The following COLEC10 variants were observed in gnomAD, a reference collection of about 807,000 sequenced individuals.
The protein encoded by COLEC10 is collectin-10.
Under a neutral mutation model 28.4 loss-of-function variants are expected in COLEC10, and 22 were observed. The observed-to-expected ratio is 0.78, with a 90% confidence interval of 0.55 to 1.11. The LOEUF (loss-of-function observed/expected upper bound fraction) is 1.11. COLEC10 is among the 50% of genes least tolerant of loss of function. The pLI, the probability that COLEC10 is intolerant of heterozygous loss-of-function variation, is 0.00. For missense variants in COLEC10, 361 were observed against 344.1 expected (o/e 1.05, Z -0.39); for synonymous variants, 125 against 116.1 (o/e 1.08, Z -0.49).
chr8:118,985,753 A>G, the COLEC10 span, among the ~76,000 whole-genome samples: 2 of 152,120 alleles, frequency 1.3e-5, no homozygotes, highest in African/African-American at 4.8e-5. Flanking sequence ...ATCCTGAAGG[A>G]AGAGAAACCT....
intron 2 of COLEC10, among the ~76,000 whole-genome samples, chr8:119,059,713 A>G (rs1000104467): frequency 7.9e-5 from 12 of 152,056 alleles, no homozygotes; most frequent in African/African-American, 2.7e-4. Flanking sequence ...AAGGCCTCAT[A>G]CTTTTACTGT....
At chr8:119,007,992 A>T (rs979473665) in intron 1 of COLEC10, among the ~76,000 whole-genome samples, 2 of 150,936 alleles carry the variant, frequency 1.3e-5, no homozygotes, top group Non-Finnish European at 2.9e-5. Context: ...TTATAATTTT[A>T]CTAAGTACAA....
intron 1 of COLEC10, among the ~76,000 whole-genome samples, chr8:118,996,357 A>G (rs747059155): frequency 3.3e-5 from 5 of 152,208 alleles, no homozygotes; most frequent in Non-Finnish European, 7.3e-5. Context: ...CTTGATTTAA[A>G]TCATTTTGGA....
At chr8:118,966,130 G>A in the COLEC10 span, among the ~76,000 whole-genome samples, 2 of 152,004 alleles carry the variant, frequency 1.3e-5, no homozygotes, top group Non-Finnish European at 2.9e-5. Context: ...CCATGTGGAG[G>A]GTTTTAATGG....
chr8:118,998,507 A>G (rs1005347991), intron 1 of COLEC10, among the ~76,000 whole-genome samples: 11 of 152,016 alleles, frequency 7.2e-5, no homozygotes, highest in South Asian at 4.2e-4. Context: ...AAGCCAAGTG[A>G]TTTTTTACCA....
At chr8:119,093,451 G>A (rs1049882658) in intron 3 of COLEC10, among the ~76,000 whole-genome samples, 1 of 152,174 alleles carries the variant, frequency 6.6e-6, no homozygotes, top group Admixed American at 6.6e-5. Context: ...AGCTGGGGAA[G>A]AGCAATATGA....
At chr8:119,095,946 G>C (rs894192877) in intron 3 of COLEC10, among the ~76,000 whole-genome samples, 1 of 152,106 alleles carries the variant, frequency 6.6e-6, no homozygotes. Context: ...TGAATTAAGG[G>C]AAGAGTCCAG....
intron 1 of COLEC10, among the ~76,000 whole-genome samples, chr8:119,001,520 C>T (rs1813699373): frequency 6.6e-6 from 1 of 152,116 alleles, no homozygotes; most frequent in East Asian, 1.9e-4. Context: ...CACCATGATG[C>T]AACTTTGTGG....
intron 2 of COLEC10, among the ~76,000 whole-genome samples, chr8:119,034,675 C>T (rs1177212399): frequency 6.6e-6 from 1 of 152,186 alleles, no homozygotes; most frequent in African/African-American, 2.4e-5. Flanking sequence ...CGCCACTGCA[C>T]TCCAGCCTGG....
chr8:119,081,482 C>G (rs1191210765), intron 1 of COLEC10, among the ~76,000 whole-genome samples: 2 of 152,052 alleles, frequency 1.3e-5, no homozygotes, highest in Non-Finnish European at 2.9e-5. Context: ...GTATTTATAT[C>G]TCTTTGAATT....
chr8:119,078,584 A>G, intron 1 of COLEC10, among the ~76,000 whole-genome samples: 1 of 152,196 alleles, frequency 6.6e-6, no homozygotes, highest in East Asian at 1.9e-4. Context: ...GGAAAATTCC[A>G]GCAGGCAGTT....
chr8:119,073,256 G>A (rs929791866), intron 1 of COLEC10, among the ~76,000 whole-genome samples: 1 of 152,122 alleles, frequency 6.6e-6, no homozygotes, highest in South Asian at 2.1e-4. Context: ...ATTCTTCCAT[G>A]TTACATCATT....
At chr8:119,052,448 AG>A (rs1324636646) in intron 2 of COLEC10, among the ~76,000 whole-genome samples, 1 of 152,122 alleles carries the variant, frequency 6.6e-6, no homozygotes, top group Non-Finnish European at 1.5e-5. Flanking sequence ...CCATTACCCA[AG>A]GCATTATCTC....
chr8:118,968,738 G>A, the COLEC10 span, among the ~76,000 whole-genome samples: 10 of 151,740 alleles, frequency 6.6e-5, no homozygotes, highest in Admixed American at 6.6e-4. Flanking sequence ...CCCATCATCT[G>A]CATTAGGTAT....
chr8:119,075,427 C>T lies in COLEC10; in HGVS notation c.148+7998C>T, dbSNP rs1042317451. ...TTTAGAAAAGAATTGTACATATACACAGTAAAAATCTGACACTCAGAGATT... is the reference window on the plus strand; with the variant it reads ...TTTAGAAAAGAATTGTACATATACATAGTAAAAATCTGACACTCAGAGATT... On this transcript the variant is annotated intron_variant, in intron 1 of 5. Coordinates refer to ENST00000332843, the MANE Select transcript of COLEC10 (RefSeq NM_006438.5). 9.9e-5 allele frequency among the ~76,000 whole-genome samples: 15 copies of T among 152,264 alleles called. No homozygotes were observed. In the South Asian group the frequency reaches 3.1e-3, roughly 32 times the overall value.
At chr8:119,037,582 G>C (rs1229295913) in intron 2 of COLEC10, among the ~76,000 whole-genome samples, 1 of 152,112 alleles carries the variant, frequency 6.6e-6, no homozygotes, top group Non-Finnish European at 1.5e-5. Context: ...TTTCTAATGG[G>C]TTCTCCTATG....
intron 1 of COLEC10, among the ~76,000 whole-genome samples, chr8:119,085,599 C>CTTTTTTTTTTTTTT (rs66829005): frequency 4.4e-4 from 28 of 63,548 alleles, no homozygotes; most frequent in East Asian, 5.9e-4. Context: ...TCTTCTTCTT[C>CTTTTTTTTTTTTTT]TTTTTTTTTT....
intron 2 of COLEC10, among the ~76,000 whole-genome samples, chr8:119,038,373 T>C (rs866965496): frequency 4.6e-5 from 7 of 152,344 alleles, no homozygotes; most frequent in African/African-American, 1.7e-4. Context: ...GCATGCTGGT[T>C]AAAGTCAAAG....
chr8:119,014,501 C>T (rs1329159583), intron 2 of COLEC10, among the ~76,000 whole-genome samples: 1 of 150,296 alleles, frequency 6.7e-6, no homozygotes, highest in Non-Finnish European at 1.5e-5. Flanking sequence ...TTTTCTTCAT[C>T]TTTTATTGTC....
Sources: gnomAD v4.1 joint callset for allele counts (sites outside exome capture counted in the v4.1 genomes callset) on GRCh38, gnomAD v4.1.1 for gene constraint, MANE v1.5 for transcripts, NCBI Gene and HGNC (gene_info 2026-07-23, HGNC 2026-07-21) for gene names.